PNOC: variants seen among roughly 807,000 people sequenced by gnomAD.
PNOC encodes nociceptin.
In PNOC, 10 loss-of-function variants were observed where a neutral mutation model predicts 15.6. The ratio of observed to expected loss-of-function variants is 0.64; its 90% CI spans 0.40 to 1.09. PNOC has a LOEUF of 1.09. PNOC is among the 50% of genes least tolerant of loss of function. The pLI is 0.01. For missense variants in PNOC, 220 were observed against 223.9 expected, an observed-to-expected ratio of 0.98 and a Z score of 0.11; for synonymous variants, 98 against 88.5, an observed-to-expected ratio of 1.11 and a Z score of -0.60.
At chr8:28,338,313 G>A (rs1801448632) in intron 2 of PNOC, among the ~76,000 whole-genome samples, 1 of 152,166 alleles carries the variant, frequency 6.6e-6, no homozygotes, top group East Asian at 1.9e-4. Flanking sequence ...CTGGTGGCTA[G>A]AAGTCAGGGT....
intron 1 of PNOC, among the ~76,000 whole-genome samples, chr8:28,324,485 G>C (rs1178459143): frequency 6.6e-6 from 1 of 152,180 alleles, no homozygotes; most frequent in African/African-American, 2.4e-5. Context: ...TATAGCCACT[G>C]CCACCATGTG....
chr8:28,321,873 A>G (rs2129846169), intron 1 of PNOC, among the ~76,000 whole-genome samples: 1 of 152,276 alleles, frequency 6.6e-6, no homozygotes, highest in South Asian at 2.1e-4. Flanking sequence ...ATGAGAGGAG[A>G]GACACTTGAA....
At chr8:28,330,397 T>A (rs1390542502) in intron 2 of PNOC, among the ~76,000 whole-genome samples, 22 of 80,794 alleles carry the variant, frequency 2.7e-4, no homozygotes, top group Admixed American at 1.9e-3. Flanking sequence ...TTTTATTTTA[T>A]TTTTTTTTTT....
chr8:28,327,140 C>T (rs192444657), intron 1 of PNOC, among the ~76,000 whole-genome samples: 2 of 152,314 alleles, frequency 1.3e-5, no homozygotes, highest in South Asian at 2.1e-4. Context: ...TACACCCCTG[C>T]GACTTCAGTC....
intron 1 of PNOC, among the ~76,000 whole-genome samples, chr8:28,320,875 G>GA (rs1381424486): frequency 2.0e-5 from 3 of 150,328 alleles, no homozygotes; most frequent in Admixed American, 2.0e-4. Flanking sequence ...AAAAGAAGAA[G>GA]AAGTTTGAAG....
chr8:28,342,969 G>A lies in PNOC; in HGVS notation c.*75G>A. 2 of 985,398 alleles carry A rather than the reference G, an allele frequency of 2.0e-6. No homozygotes were observed. The highest frequency in any genetic ancestry group is 2.4e-6 in the Non-Finnish European group (2 of 829,902). 61.0% of individuals were successfully genotyped at this position (985,398 alleles called of 1,614,324 possible). A position where few individuals can be genotyped will look rare whatever the true frequency, so the allele number is the denominator to read the frequency against. ...GTCCAGGTGATCCCCCAAACAGCAT[G>A]TGCTCAGCCCCAGACCTGCCGCCTG... On this transcript the variant is annotated 3_prime_UTR_variant, in exon 4 of 4. Coordinates refer to ENST00000301908, the MANE Select transcript of PNOC (RefSeq NM_006228.5).
At chr8:28,321,757 T>G (rs1347132547) in intron 1 of PNOC, among the ~76,000 whole-genome samples, 1 of 152,172 alleles carries the variant, frequency 6.6e-6, no homozygotes, top group East Asian at 1.9e-4. Context: ...CTCTCACGCG[T>G]TCATTTCTCT....
In PNOC at chr8:28,339,227, T is replaced by G. The variant is rs1421822819; in HGVS notation, c.314T>G (p.Phe105Cys). The G allele has an allele frequency of 1.9e-6, 3 of 1,611,806 alleles. No individual in the cohort carries two copies. The highest frequency in any genetic ancestry group is 2.5e-6 in the Non-Finnish European group (3 of 1,178,158). ...LRRMPRVRSL[F>C]QEQEEPEPGM... ...CGAATGCCCCGAGTCCGGAGCTTGTTCCAGGAGCAGGAAGAGCCCGAGCCT... is the reference window on the plus strand; with the variant it reads ...CGAATGCCCCGAGTCCGGAGCTTGTGCCAGGAGCAGGAAGAGCCCGAGCCT... The change falls in exon 3 of 4, where the codon TTC (phenylalanine) becomes TGC (cysteine). Residue 105 changes from phenylalanine (F) to cysteine (C), a missense_variant. Transcript: ENST00000301908.
chr8:28,320,812 C>G (rs1018685599), intron 1 of PNOC, among the ~76,000 whole-genome samples: 1 of 148,788 alleles, frequency 6.7e-6, no homozygotes, highest in African/African-American at 2.5e-5. Context: ...GATCACACCA[C>G]TGCACTCCTG....
chr8:28,324,081 G>A (rs1585827186), intron 1 of PNOC, among the ~76,000 whole-genome samples: 1 of 152,318 alleles, frequency 6.6e-6, no homozygotes, highest in East Asian at 1.9e-4. Flanking sequence ...AGGTAGACGT[G>A]CCTCTGACCC....
At chr8:28,330,386 A>ATTTTTTTTTTTTTTTTTT (rs1365236960) in intron 2 of PNOC, among the ~76,000 whole-genome samples, 1 of 59,790 alleles carries the variant, frequency 1.7e-5, no homozygotes. Context: ...ATTTTATTTT[A>ATTTTTTTTTTTTTTTTTT]TTTTATTTTA....
intron 2 of PNOC, among the ~76,000 whole-genome samples, chr8:28,330,275 C>T (rs1429671612): frequency 1.3e-5 from 2 of 151,808 alleles, no homozygotes; most frequent in African/African-American, 2.4e-5. Context: ...GGGACTTGAG[C>T]ATCTGCAGAT....
chr8:28,341,710 A>T (rs1210371413), intron 3 of PNOC, among the ~76,000 whole-genome samples: 1 of 152,210 alleles, frequency 6.6e-6, no homozygotes, highest in African/African-American at 2.4e-5. Context: ...CTCTGCTCAA[A>T]TGTCAAGTTC....
intron 1 of PNOC, among the ~76,000 whole-genome samples, chr8:28,321,787 A>C (rs544466222): frequency 1.1e-4 from 16 of 151,970 alleles, no homozygotes; most frequent in Non-Finnish European, 1.9e-4. Flanking sequence ...GGAATGCTTG[A>C]CCTGTGCTGG....
chr8:28,330,324 A>C (rs932059637), intron 2 of PNOC, among the ~76,000 whole-genome samples: 3 of 151,240 alleles, frequency 2.0e-5, no homozygotes, highest in Non-Finnish European at 4.4e-5. Context: ...ATACAGAAGG[A>C]CCGTGTAATT....
At chr8:28,327,158 T>C (rs578084849) in intron 1 of PNOC, among the ~76,000 whole-genome samples, 1 of 152,300 alleles carries the variant, frequency 6.6e-6, no homozygotes, top group East Asian at 1.9e-4. Flanking sequence ...GTCAAGAACA[T>C]TTACATTTCT....
intron 1 of PNOC, among the ~76,000 whole-genome samples, 179 bp from the exon 2 acceptor site, chr8:28,328,956 C>A (rs1377520723): frequency 6.6e-6 from 1 of 152,142 alleles, no homozygotes; most frequent in African/African-American, 2.4e-5. Flanking sequence ...AGGTGATAGG[C>A]AGGGTCGCCT....
intron 2 of PNOC, chr8:28,338,728 GC>G: frequency 9.3e-7 from 1 of 1,074,498 alleles, no homozygotes; most frequent in Non-Finnish European, 1.1e-6. Context: ...GTAACAAGGT[GC>G]GGTGTTGGGC....
In PNOC at chr8:28,329,174, G is replaced by C. The variant is rs754926931; in HGVS notation, c.17G>C (p.Cys6Ser). 1 of 1,613,784 alleles carries C rather than the reference G, an allele frequency of 6.2e-7. No homozygotes were observed. The highest frequency in any genetic ancestry group is 1.7e-5 in the Admixed American group (1 of 60,008). ...TCCTGCACCATGAAAGTCCTGCTTT[G>C]TGACCTGCTGCTGCTCAGTCTCTTC... is the stretch of plus-strand genomic sequence containing the variant. MKVLL[C>S]DLLLLSLFSS... Residue 6 changes from cysteine (C) to serine (S), a missense_variant, in exon 2 of 4, where the codon TGT becomes TCT. Physicochemically the swap from Cys to Ser is moderately radical, Grantham distance 112 (BLOSUM62 -1). Coordinates refer to ENST00000301908, the MANE Select transcript of PNOC (RefSeq NM_006228.5).
Sources: gnomAD v4.1 joint callset for allele counts (sites outside exome capture counted in the v4.1 genomes callset) on GRCh38, gnomAD v4.1.1 for gene constraint, MANE v1.5 for transcripts, NCBI Gene and HGNC (gene_info 2026-07-23, HGNC 2026-07-21) for gene names.